NLRC5: variants seen among roughly 807,000 people sequenced by gnomAD.
NLRC5 encodes NLR family CARD domain containing 5.
In NLRC5, 114 loss-of-function variants were observed where a neutral mutation model predicts 206.9. The observed-to-expected ratio is 0.55, with a 90% confidence interval of 0.47 to 0.64. NLRC5 has a LOEUF of 0.64. Among genes scored for constraint, NLRC5 ranks in the 30% least tolerant of loss-of-function variants. The probability of loss-of-function intolerance (pLI) is 0.00; values close to 1 mark genes in which losing one functional copy is unlikely to be tolerated. For missense variants in NLRC5, 2,008 were observed against 2,305.5 expected (o/e 0.87, Z 2.64); for synonymous variants, 952 against 962.8 (o/e 0.99, Z 0.21).
chr16:57,028,896 G>A (rs961043894), intron 8 of NLRC5, among the ~76,000 whole-genome samples: 9 of 152,166 alleles, frequency 5.9e-5, no homozygotes, highest in African/African-American at 2.2e-4. Flanking sequence ...AACTAACTAA[G>A]CTTGTATGCA....
At chr16:57,021,808 T>C (rs555496061) in intron 3 of NLRC5, among the ~76,000 whole-genome samples, 1 of 152,234 alleles carries the variant, frequency 6.6e-6, no homozygotes, top group South Asian at 2.1e-4. Flanking sequence ...ACACAGGACA[T>C]TGAGGGGCAA....
Position 57,054,909 on chromosome 16 carries a change from G to T in NLRC5, c.3596+69G>T. The T allele has an allele frequency of 1.9e-6, 3 of 1,586,216 alleles. No individual in the cohort carries two copies. In the South Asian group the frequency reaches 3.3e-5, roughly 18 times the overall value. On this transcript the variant is annotated intron_variant, in intron 25 of 48. Coordinates refer to ENST00000688547, the MANE Select transcript of NLRC5 (RefSeq NM_001384950.1). ...GTGCCTGGAGTCTGGTGGGTATGAG[G>T]GGGTAGGATGAAGACAGTAGGACCC...
Position 57,051,377 on chromosome 16 carries a change from C to T in NLRC5, c.3423-161C>T, listed in dbSNP as rs116230020. On this transcript the variant is annotated intron_variant, in intron 23 of 48. Coordinates refer to ENST00000688547, the MANE Select transcript of NLRC5 (RefSeq NM_001384950.1). ...TTTCCCAAACTTAAAAGACCTTCCT[C>T]TTCTTCCAGCCTCACGGATAACCCA... 3.1e-3 allele frequency among the ~76,000 whole-genome samples: 468 copies of T among 152,364 alleles called. 3 individuals carry two copies. Among genetic ancestry groups the T allele is most frequent in the African/African-American group, 0.01 (424 of 41,588 alleles).
rs538798436 is a variant in NLRC5 at position 57,058,029 on chromosome 16, C to T, written c.3747-36C>T. The T allele has an allele frequency of 3.3e-5, 52 of 1,560,164 alleles. 1 individual carries two copies. In the South Asian group the frequency reaches 5.8e-4, roughly 17 times the overall value. On this transcript the variant is annotated intron_variant, in intron 27 of 48. Coordinates refer to ENST00000688547, the MANE Select transcript of NLRC5 (RefSeq NM_001384950.1). ...AGGAGCATCTCAGGCTGAGGAGGCA[C>T]CTCTGATCCCCGCCACTGCTCCTTA...
Position 57,023,800 on chromosome 16 carries a change from A to T in NLRC5, c.371A>T (p.His124Leu), listed in dbSNP as rs771949396. 19 of 1,612,078 alleles carry T rather than the reference A, an allele frequency of 1.2e-5. No individual in the cohort carries two copies. Among genetic ancestry groups the T allele is most frequent in the Non-Finnish European group, 1.5e-5 (18 of 1,179,076 alleles). ...SQLHHGLKRP[H>L]QSCGSSPRRK... The stretch of plus-strand genomic sequence containing the variant: ...GCTTTTTCAGGCCTGAAGCGCCCAC[A>T]TCAGAGCTGTGGGTCCTCACCCCGC... The change falls in exon 5 of 49, where the codon CAT becomes CTT. Residue 124 changes from histidine to leucine, a missense_variant. Coordinates refer to ENST00000688547, the MANE Select transcript of NLRC5 (RefSeq NM_001384950.1).
At chr16:57,078,082 G>T in intron 43 of NLRC5, 62 bp downstream of exon 43, 4 of 1,283,078 alleles carry the variant, frequency 3.1e-6, no homozygotes, top group Non-Finnish European at 4.1e-6. Flanking sequence ...CGGGAGCAGT[G>T]GGGGGGTCCA....
At chr16:57,028,260 T>C in intron 7 of NLRC5, 42 bp from the exon 8 acceptor site, 1 of 1,599,442 alleles carries the variant, frequency 6.3e-7, no homozygotes, top group Non-Finnish European at 8.6e-7. Context: ...CCCGCCCTTT[T>C]CCCCTCCTCG....
intron 1 of NLRC5, among the ~76,000 whole-genome samples, chr16:57,000,998 A>T (rs1218950653): frequency 1.3e-5 from 2 of 152,024 alleles, no homozygotes; most frequent in Non-Finnish European, 2.9e-5. Flanking sequence ...CACAGCATAG[A>T]CCCCATCACT....
chr16:57,060,499 T>TACACATACCAC (rs1378241523), intron 30 of NLRC5, among the ~76,000 whole-genome samples: 1 of 149,624 alleles, frequency 6.7e-6, no homozygotes, highest in African/African-American at 2.5e-5. Flanking sequence ...CCACATACCA[T>TACACATACCAC]ACACATACCA....
At chr16:57,069,750 C>T in intron 36 of NLRC5, 86 bp from the exon 37 acceptor site, 2 of 1,065,572 alleles carry the variant, frequency 1.9e-6, no homozygotes, top group Non-Finnish European at 1.4e-6. Flanking sequence ...CCCTACCCCA[C>T]ATCCTTGCCC....
chr16:57,031,788 A>G (rs1476142050), intron 11 of NLRC5, among the ~76,000 whole-genome samples: 2 of 149,172 alleles, frequency 1.3e-5, no homozygotes, highest in Non-Finnish European at 3.0e-5. Context: ...TACAACTGAA[A>G]AAAGACAGGG....
At chr16:57,047,753 TGA>T in intron 23 of NLRC5, 125 bp downstream of exon 23, 1 of 801,072 alleles carries the variant, frequency 1.2e-6, no homozygotes, top group South Asian at 1.5e-5. Context: ...CCCTGCCCCA[TGA>T]GAGTCCCCTG....
chr16:57,075,005 C>CCTTTTT (rs2068196484), intron 39 of NLRC5, among the ~76,000 whole-genome samples: 3 of 58,066 alleles, frequency 5.2e-5, no homozygotes, highest in Non-Finnish European at 9.5e-5. Context: ...CTAGACTGTG[C>CCTTTTT]TTTTTTTTTT....
intron 48 of NLRC5, among the ~76,000 whole-genome samples, chr16:57,082,099 T>C (rs1260502935): frequency 6.6e-6 from 1 of 152,258 alleles, no homozygotes; most frequent in Non-Finnish European, 1.5e-5. Context: ...CAAAATCATA[T>C]ATTATGACAA....
At chr16:57,000,710 G>A (rs2058139366) in intron 1 of NLRC5, among the ~76,000 whole-genome samples, 1 of 152,168 alleles carries the variant, frequency 6.6e-6, no homozygotes, top group African/African-American at 2.4e-5. Flanking sequence ...GGTTTTCACA[G>A]GCAACAGTCA....
intron 1 of NLRC5, among the ~76,000 whole-genome samples, chr16:57,009,476 C>T (rs540144558): frequency 6.6e-6 from 1 of 151,690 alleles, no homozygotes; most frequent in East Asian, 1.9e-4. Context: ...GCCTGTGGTC[C>T]CAGCTACTCG....
chr16:57,020,069 C>T (rs570474850), intron 2 of NLRC5, among the ~76,000 whole-genome samples: 3 of 152,096 alleles, frequency 2.0e-5, no homozygotes, highest in South Asian at 2.1e-4. Flanking sequence ...CATCAAGACT[C>T]CATGGAGAGG....
Position 57,029,981 on chromosome 16 carries a change from C to T in NLRC5, c.2328-14C>T. Reference sequence around the variant, plus strand: ...GGGGATTCCACTCCTGACACCTTTGCCACAATCTTGCAGCCTGAGCAGCAA... The same window carrying T: ...GGGGATTCCACTCCTGACACCTTTGTCACAATCTTGCAGCCTGAGCAGCAA... On this transcript the variant is annotated splice_polypyrimidine_tract_variant and intron_variant, in intron 9 of 48. Coordinates refer to ENST00000688547, the MANE Select transcript of NLRC5 (RefSeq NM_001384950.1). 1 of 1,614,090 alleles carries T rather than the reference C, an allele frequency of 6.2e-7. No homozygotes were observed. Among genetic ancestry groups the T allele is most frequent in the Non-Finnish European group, 8.5e-7 (1 of 1,179,938 alleles).
At chr16:57,053,813 G>A (rs946781346) in intron 24 of NLRC5, among the ~76,000 whole-genome samples, 11 of 152,200 alleles carry the variant, frequency 7.2e-5, no homozygotes, top group African/African-American at 2.7e-4. Flanking sequence ...ACAGGCAGGA[G>A]CCACTGCACC....
Sources: allele counts gnomAD v4.1 joint callset (sites outside exome capture counted in the v4.1 genomes callset), GRCh38; gene constraint gnomAD v4.1.1; transcripts MANE v1.5; gene names NCBI Gene and HGNC (gene_info 2026-07-23, HGNC 2026-07-21).